Variants in FHDC1 observed in about 807,000 individuals in gnomAD.
FHDC1 encodes the protein FH2 domain-containing protein 1.
Under a neutral mutation model 52.6 loss-of-function variants are expected in FHDC1, and 25 were observed. That is an observed-to-expected ratio of 0.48 (90% CI 0.35 to 0.66). The LOEUF (loss-of-function observed/expected upper bound fraction) is 0.66. FHDC1 is among the 30% of genes least tolerant of loss of function. FHDC1 has a pLI of 0.01. For synonymous variants in FHDC1, 616 were observed against 581.5 expected (o/e 1.06, Z -0.85); for missense variants, 1,459 against 1,452.8 (o/e 1.00, Z -0.07).
intron 4 of FHDC1, 78 bp downstream of exon 4, chr4:152,954,397 A>G: frequency 8.2e-7 from 1 of 1,221,840 alleles, no homozygotes; most frequent in Non-Finnish European, 1.2e-6. Context: ...GTCAAAGCTC[A>G]CATGGAAGGC....
Position 152,979,138 on chromosome 4 carries a change from T to C in FHDC1, c.*2415T>C, listed in dbSNP as rs1354189308. The C allele has an allele frequency of 6.6e-6, 1 of 152,148 alleles. No homozygotes were observed. The highest frequency in any genetic ancestry group is 2.1e-4 in the South Asian group (1 of 4,824). 9.4% of individuals were successfully genotyped at this position (152,148 alleles called of 1,614,324 possible). A position where few individuals can be genotyped will look rare whatever the true frequency, so the allele number is the denominator to read the frequency against. On this transcript the variant is annotated 3_prime_UTR_variant, in exon 12 of 12. Transcript: ENST00000511601. ...CTTGGAGGAACCCTGGGTACCAAGC[T>C]CCCAGGCCCTTCCTCTATCATGGAT...
chr4:152,963,765 CTTTGTTTTT>C (rs1740360325), intron 8 of FHDC1, among the ~76,000 whole-genome samples: 4 of 50,872 alleles, frequency 7.9e-5, no homozygotes, highest in Non-Finnish European at 1.2e-4. Flanking sequence ...CTATCCATTG[CTTTGTTTTT>C]TTTTTTTTTT....
intron 1 of FHDC1, among the ~76,000 whole-genome samples, chr4:152,939,712 G>T (rs1739523472): frequency 6.6e-6 from 1 of 152,330 alleles, no homozygotes; most frequent in South Asian, 2.1e-4. Flanking sequence ...GCACTCAGGG[G>T]ACTTGAGGAG....
chr4:152,947,134 G>A (rs770923265), intron 2 of FHDC1, among the ~76,000 whole-genome samples: 11 of 151,386 alleles, frequency 7.3e-5, no homozygotes, highest in Non-Finnish European at 1.5e-4. Context: ...GATGAGAATC[G>A]CTTGAACCCA....
chr4:152,947,609 A>G (rs1305998026), intron 2 of FHDC1, among the ~76,000 whole-genome samples: 2 of 152,254 alleles, frequency 1.3e-5, no homozygotes, highest in Non-Finnish European at 2.9e-5. Flanking sequence ...TAAAGGAAAC[A>G]AAAGGTTACT....
At chr4:152,963,772 T>G (rs75926282) in intron 8 of FHDC1, among the ~76,000 whole-genome samples, 3 of 42,838 alleles carry the variant, frequency 7.0e-5, no homozygotes, top group African/African-American at 2.3e-4. Context: ...TTGCTTTGTT[T>G]TTTTTTTTTT....
chr4:152,968,797 G>A (rs995702248), intron 10 of FHDC1, among the ~76,000 whole-genome samples: 1 of 152,166 alleles, frequency 6.6e-6, no homozygotes, highest in Non-Finnish European at 1.5e-5. Context: ...TAAACTTTCG[G>A]ATAACAGAAC....
At chr4:152,926,975 C>A in the FHDC1 span, among the ~76,000 whole-genome samples, 1 of 152,206 alleles carries the variant, frequency 6.6e-6, no homozygotes, top group Non-Finnish European at 1.5e-5. Context: ...AACCCTGATT[C>A]GGCTACTTAT....
At chr4:152,967,277 T>G (rs1239389152) in intron 9 of FHDC1, among the ~76,000 whole-genome samples, 2 of 151,974 alleles carry the variant, frequency 1.3e-5, no homozygotes, top group Non-Finnish European at 2.9e-5. Context: ...AATACAAAAA[T>G]TAAGCTGGGC....
At chr4:152,966,610 C>T (rs1740464343) in intron 9 of FHDC1, among the ~76,000 whole-genome samples, 1 of 152,088 alleles carries the variant, frequency 6.6e-6, no homozygotes, top group Non-Finnish European at 1.5e-5. Context: ...CAGGCACCCG[C>T]CACCATGCCC....
intron 4 of FHDC1, among the ~76,000 whole-genome samples, chr4:152,960,083 A>T (rs562779226): frequency 6.6e-6 from 1 of 152,222 alleles, no homozygotes; most frequent in Non-Finnish European, 1.5e-5. Context: ...TCTGTGTTAG[A>T]TCTTACTCAG....
At position 152,975,429 on chromosome 4, in the gene FHDC1, G is replaced by A. The variant is rs1740827892; in HGVS notation, c.2138G>A (p.Gly713Asp). The A allele has an allele frequency of 6.2e-7, 1 of 1,613,366 alleles. No individual in the cohort carries two copies. Among genetic ancestry groups the A allele is most frequent in the African/African-American group, 1.3e-5 (1 of 74,928 alleles). ...GAGCTAGAGTCTGTGGGGCATAGGG[G>A]CCCGCAGTCCCTCAGTGCCAGCAGC... The part of the protein sequence containing the change: ...PMELESVGHR[G>D]PQSLSASSSS... Residue 713 changes from glycine to aspartate, a missense_variant, in exon 12 of 12, where the codon GGC (glycine) becomes GAC (aspartate). Coordinates refer to ENST00000511601, the MANE Select transcript of FHDC1 (RefSeq NM_001371116.1).
chr4:152,931,455 A>AACACAC (rs56142204), upstream of FHDC1, among the ~76,000 whole-genome samples: 39 of 127,280 alleles, frequency 3.1e-4, no homozygotes, highest in South Asian at 1.4e-3. Context: ...CAGCCTCTAA[A>AACACAC]ACACACACAC....
chr4:152,931,691 G>A (rs1302909633), upstream of FHDC1, among the ~76,000 whole-genome samples: 1 of 152,010 alleles, frequency 6.6e-6, no homozygotes, highest in Non-Finnish European at 1.5e-5. Flanking sequence ...CTTCTGGCAA[G>A]GCAAATGTCA....
chr4:152,974,983 G>A lies in FHDC1; in HGVS notation c.1692G>A (p.Glu564=), dbSNP rs920230802. ...AGAGCTCCACCGGCAGCCCTGAGGA[G>A]CCCAATAAGTTCCACAGCCTGCCCC... The part of the protein sequence containing the change: ...FLESSTGSPE[E]PNKFHSLPRS... Residue 564 remains glutamate (E), a synonymous_variant, in exon 12 of 12, where the codon GAG becomes GAA. Coordinates refer to ENST00000511601, the MANE Select transcript of FHDC1 (RefSeq NM_001371116.1). 1 of 1,612,410 alleles carries A rather than the reference G, an allele frequency of 6.2e-7. No homozygotes were observed. Among genetic ancestry groups the A allele is most frequent in the African/African-American group, 1.3e-5 (1 of 74,908 alleles).
At chr4:152,932,401 CAAA>C (rs58456339), upstream of FHDC1, among the ~76,000 whole-genome samples, 1 of 145,240 alleles carries the variant, frequency 6.9e-6, no homozygotes, top group Non-Finnish European at 1.5e-5. Flanking sequence ...GACTCTATCT[CAAA>C]AAAAAAAAAA....
At chr4:152,939,363 T>C (rs965427296) in intron 1 of FHDC1, among the ~76,000 whole-genome samples, 4 of 152,116 alleles carry the variant, frequency 2.6e-5, no homozygotes, top group African/African-American at 9.7e-5. Context: ...CTTGATCTCC[T>C]GACCTCGTGA....
chr4:152,914,549 A>G, the FHDC1 span, among the ~76,000 whole-genome samples: 1 of 152,214 alleles, frequency 6.6e-6, no homozygotes, highest in African/African-American at 2.4e-5. Context: ...TTTTTAAACA[A>G]CGGAAACTGT....
the FHDC1 span, among the ~76,000 whole-genome samples, chr4:152,926,373 TA>T: frequency 6.6e-6 from 1 of 151,488 alleles, no homozygotes; most frequent in Non-Finnish European, 1.5e-5. Context: ...TTAAGCTCCC[TA>T]AAAAAAATTC....
Sources: gnomAD v4.1 joint callset for allele counts (sites outside exome capture counted in the v4.1 genomes callset) on GRCh38, gnomAD v4.1.1 for gene constraint, MANE v1.5 for transcripts, NCBI Gene and HGNC (gene_info 2026-07-23, HGNC 2026-07-21) for gene names.